RBFOX2: variants seen among roughly 807,000 people sequenced by gnomAD.
RBFOX2 encodes RNA binding protein fox-1 homolog 2.
A neutral mutation model predicts 49.1 loss-of-function variants in RBFOX2; 10 were observed. The observed-to-expected ratio is 0.20, with a 90% confidence interval of 0.13 to 0.35. The LOEUF (loss-of-function observed/expected upper bound fraction) is 0.35, where lower values mean the gene tolerates loss of function less well. RBFOX2 is among the 10% of genes least tolerant of loss of function. RBFOX2 has a pLI of 1.00. For synonymous variants in RBFOX2, 183 were observed against 187.4 expected (o/e 0.98, Z 0.19); for missense variants, 323 against 486.9 (o/e 0.66, Z 3.17).
chr22:35,928,409 C>T (rs1461774913), intron 1 of RBFOX2, among the ~76,000 whole-genome samples: 3 of 152,190 alleles, frequency 2.0e-5, no homozygotes, highest in Admixed American at 2.0e-4. Flanking sequence ...AATTTCTCTT[C>T]ATCACATGAA....
chr22:35,923,433 G>C (rs2149604728), intron 1 of RBFOX2, among the ~76,000 whole-genome samples: 1 of 152,020 alleles, frequency 6.6e-6, no homozygotes, highest in South Asian at 2.1e-4. Context: ...GAGTGCACTG[G>C]CACAGTCAGC....
Position 35,877,851 on chromosome 22 carries a change from C to T in RBFOX2, c.-34+60996G>A, listed in dbSNP as rs998457978. Among the ~76,000 whole-genome samples, 6 of 151,666 alleles carry T rather than the reference C, an allele frequency of 4.0e-5. No individual in the cohort carries two copies. The East Asian group carries it at 7.7e-4, about 20-fold the overall frequency. ...TAAATTCTATAGTTACTAAGTATTC[C>T]GTTACTGAAAAAAATCACAGGTAAA... On this transcript the variant is annotated intron_variant, in intron 1 of 13. Transcript: ENST00000359369.
intron 9 of RBFOX2, among the ~76,000 whole-genome samples, chr22:35,757,482 T>C (rs1034048484): frequency 6.6e-6 from 1 of 152,198 alleles, no homozygotes; most frequent in Non-Finnish European, 1.5e-5. Context: ...TTTTCACCAC[T>C]ACCTTCTCTG....
intron 1 of RBFOX2, among the ~76,000 whole-genome samples, chr22:35,832,764 G>A (rs1007981354): frequency 2.6e-5 from 4 of 152,096 alleles, no homozygotes; most frequent in Non-Finnish European, 2.9e-5. Flanking sequence ...CCCAGGAGGC[G>A]CAGATTGCAG....
intron 1 of RBFOX2, among the ~76,000 whole-genome samples, chr22:35,911,818 T>C (rs2149517327): frequency 6.6e-6 from 1 of 152,242 alleles, no homozygotes; most frequent in East Asian, 1.9e-4. Context: ...ATATCCCATC[T>C]CACCCCAGCC....
At chr22:35,949,655 GCATCTTTTCATGTCCTTTT>G (rs1309122059) in intron 1 of RBFOX2, among the ~76,000 whole-genome samples, 2 of 152,160 alleles carry the variant, frequency 1.3e-5, no homozygotes, top group Non-Finnish European at 2.9e-5. Context: ...GTGATGTTGA[GCATCTTTTCATGTCCTTTT>G]CATCTTTTCA....
intron 1 of RBFOX2, among the ~76,000 whole-genome samples, chr22:35,974,609 C>G (rs368831366): frequency 3.7e-4 from 57 of 152,118 alleles, no homozygotes; most frequent in African/African-American, 1.4e-3. Flanking sequence ...ATCACTTGAA[C>G]CCAGGAGGCA....
At chr22:35,934,142 T>C (rs5756003) in intron 1 of RBFOX2, among the ~76,000 whole-genome samples, 11,629 of 151,192 alleles carry the variant, frequency 0.077, 476 homozygotes, top group South Asian at 0.086. Flanking sequence ...TTGCTCTGAA[T>C]GTCATCAAGA....
chr22:35,769,573 CAAAGTGGT>C (rs923339823), intron 4 of RBFOX2, among the ~76,000 whole-genome samples: 1 of 152,152 alleles, frequency 6.6e-6, no homozygotes, highest in African/African-American at 2.4e-5. Flanking sequence ...CTTATATCTG[CAAAGTGGT>C]AAAGTCTTAG....
intron 9 of RBFOX2, among the ~76,000 whole-genome samples, chr22:35,753,724 A>G (rs921608707): frequency 2.0e-5 from 3 of 149,882 alleles, no homozygotes; most frequent in African/African-American, 7.3e-5. Context: ...TAAGATAACT[A>G]TTAAAAAATT....
intron 1 of RBFOX2, among the ~76,000 whole-genome samples, chr22:35,925,219 T>A (rs1328281665): frequency 6.6e-6 from 1 of 150,632 alleles, no homozygotes; most frequent in Non-Finnish European, 1.5e-5. Context: ...AATAAAAAAA[T>A]TTAAAAAAAA....
intron 1 of RBFOX2, among the ~76,000 whole-genome samples, chr22:35,818,698 G>A (rs932800979): frequency 8.5e-5 from 13 of 152,066 alleles, no homozygotes; most frequent in Admixed American, 6.6e-5. Context: ...GAGGTGAGAG[G>A]ACCACTTGAG....
chr22:35,957,920 G>A lies in RBFOX2; in HGVS notation c.42+3643C>T, dbSNP rs7290039. Among the ~76,000 whole-genome samples, 396 of 152,154 alleles carry A rather than the reference G, an allele frequency of 2.6e-3. 4 individuals are homozygous for A. Among genetic ancestry groups the A allele is most frequent in the African/African-American group, 9.3e-3 (387 of 41,488 alleles). ...TTGTGATATTTCAATTTAAACTGGT[G>A]TTTCACTAAACTGAAGACTTCACAA... On this transcript the variant is annotated intron_variant, in intron 1 of 5. Transcript: ENST00000408983.
At chr22:35,799,263 T>A (rs1342369130) in intron 2 of RBFOX2, among the ~76,000 whole-genome samples, 2 of 152,214 alleles carry the variant, frequency 1.3e-5, no homozygotes, top group Admixed American at 6.5e-5. Flanking sequence ...TAGAAAAGTA[T>A]CTAAAGATAC....
intron 1 of RBFOX2, among the ~76,000 whole-genome samples, chr22:35,860,626 G>A (rs920353648): frequency 1.3e-5 from 2 of 152,182 alleles, no homozygotes; most frequent in Admixed American, 6.5e-5. Context: ...TGTTAGTCCT[G>A]CAACTTTGTT....
intron 1 of RBFOX2, among the ~76,000 whole-genome samples, chr22:35,878,039 TACACACACACACACACAC>T (rs58181557): frequency 1.4e-5 from 2 of 141,178 alleles, no homozygotes; most frequent in East Asian, 2.1e-4. Flanking sequence ...CTACTACTAC[TACACACACACACACACAC>T]ACACACACAC....
chr22:35,747,150 G>A (rs977319355), intron 9 of RBFOX2: 6 of 152,202 alleles, frequency 3.9e-5, no homozygotes, highest in African/African-American at 1.4e-4. Context: ...TGGCCTGTGA[G>A]CCAATGCAGC....
chr22:36,017,624 T>A (rs1953394771), intron 1 of RBFOX2, among the ~76,000 whole-genome samples: 1 of 152,184 alleles, frequency 6.6e-6, no homozygotes, highest in Non-Finnish European at 1.5e-5. Context: ...ATCAAATAGT[T>A]CTCACCCCAA....
upstream of RBFOX2, among the ~76,000 whole-genome samples, chr22:35,943,749 CA>C (rs771212907): frequency 6.6e-6 from 1 of 151,990 alleles, no homozygotes; most frequent in Non-Finnish European, 1.5e-5. Context: ...ATACAAAATA[CA>C]AAAAATTAGC....
Sources: allele counts gnomAD v4.1 joint callset (sites outside exome capture counted in the v4.1 genomes callset), GRCh38; gene constraint gnomAD v4.1.1; transcripts MANE v1.5; gene names NCBI Gene and HGNC (gene_info 2026-07-23, HGNC 2026-07-21).